VEPH1: variants seen among roughly 807,000 people sequenced by gnomAD.
The protein encoded by VEPH1 is ventricular zone-expressed PH domain-containing protein homolog 1.
VEPH1 carries 80 observed loss-of-function variants against 85.2 expected under a neutral mutation model. The ratio of observed to expected loss-of-function variants is 0.94; its 90% CI spans 0.78 to 1.13. The LOEUF (loss-of-function observed/expected upper bound fraction) is 1.13. Ranked by LOEUF, VEPH1 falls within the 50% of genes most tolerant of loss-of-function variation. The probability of loss-of-function intolerance (pLI) is 0.00; values close to 1 mark genes in which losing one functional copy is unlikely to be tolerated. For synonymous variants in VEPH1, 297 were observed against 348.0 expected, an observed-to-expected ratio of 0.85 and a Z score of 1.63; for missense variants, 955 against 980.5, an observed-to-expected ratio of 0.97 and a Z score of 0.35.
intron 6 of VEPH1, 125 bp from the exon 7 acceptor site, chr3:157,381,501 C>T (rs1560014143): frequency 1.8e-5 from 17 of 919,034 alleles, no homozygotes; most frequent in East Asian, 5.2e-5. Context: ...AACTCCTGAT[C>T]GAGAACAGGA....
intron 11 of VEPH1, among the ~76,000 whole-genome samples, chr3:157,311,417 C>G (rs1246374966): frequency 6.6e-6 from 1 of 152,152 alleles, no homozygotes; most frequent in Non-Finnish European, 1.5e-5. Flanking sequence ...ATAAAGCAGA[C>G]TTTGCACCAT....
intron 7 of VEPH1, 67 bp from the exon 8 acceptor site, chr3:157,364,579 T>G: frequency 7.0e-7 from 1 of 1,435,100 alleles, no homozygotes; most frequent in Non-Finnish European, 9.6e-7. Context: ...TGTTATTCTC[T>G]ATTTAACTGC....
At chr3:157,492,205 T>C (rs1472677574) in intron 2 of VEPH1, among the ~76,000 whole-genome samples, 1 of 152,130 alleles carries the variant, frequency 6.6e-6, no homozygotes, top group Admixed American at 6.6e-5. Context: ...GTGATTGTCA[T>C]GGAGGAGGAA....
Position 157,436,653 on chromosome 3 carries a change from C to G in VEPH1, c.530-8165G>C, listed in dbSNP as rs752931206. ...CTCCTCTTTCCCCTCTGACCCTCCT[C>G]CAATTAATCTGACTGCAGCGTAAAC... On this transcript the variant is annotated intron_variant, in intron 4 of 13. Coordinates refer to ENST00000362010, the MANE Select transcript of VEPH1 (RefSeq NM_001167912.2). The G allele has an allele frequency of 4.9e-5, 14 of 287,102 alleles. No homozygotes were observed. In the South Asian group the frequency reaches 7.1e-4, roughly 15 times the overall value. The allele number at this position is 287,102 out of a possible 1,614,324, so 17.8% of individuals were successfully genotyped here. A position where few individuals can be genotyped will look rare whatever the true frequency, so the allele number is the denominator to read the frequency against.
chr3:157,343,212 C>A (rs868099963), intron 9 of VEPH1, among the ~76,000 whole-genome samples: 82 of 152,204 alleles, frequency 5.4e-4, no homozygotes, highest in African/African-American at 1.7e-3. Context: ...ACACAAAAAA[C>A]CCTTCAAAAA....
At chr3:157,432,540 A>C (rs965251030) in intron 4 of VEPH1, among the ~76,000 whole-genome samples, 6 of 152,080 alleles carry the variant, frequency 3.9e-5, no homozygotes, top group African/African-American at 1.4e-4. Context: ...AATTTTTTCT[A>C]TTGAGTAGTC....
chr3:157,304,695 C>A (rs1202248482), intron 11 of VEPH1, among the ~76,000 whole-genome samples: 1 of 152,098 alleles, frequency 6.6e-6, no homozygotes, highest in African/African-American at 2.4e-5. Flanking sequence ...ATCTATTTTT[C>A]TTCAAGTAAA....
intron 2 of VEPH1, among the ~76,000 whole-genome samples, chr3:157,482,172 A>G (rs1310849556): frequency 6.6e-6 from 1 of 152,104 alleles, no homozygotes; most frequent in East Asian, 1.9e-4. Context: ...TTGGTTATAT[A>G]TGAATTTTAG....
intron 9 of VEPH1, among the ~76,000 whole-genome samples, chr3:157,343,643 T>C (rs953584079): frequency 6.6e-6 from 1 of 151,958 alleles, no homozygotes; most frequent in East Asian, 1.9e-4. Context: ...TTCCAATCAA[T>C]AGAAAAAGAG....
At chr3:157,438,800 A>T (rs1161254157) in intron 4 of VEPH1, among the ~76,000 whole-genome samples, 1 of 152,234 alleles carries the variant, frequency 6.6e-6, no homozygotes, top group East Asian at 1.9e-4. Flanking sequence ...GAGCCAATCA[A>T]TACTCCTTTG....
At chr3:157,286,232 C>A in intron 12 of VEPH1, 1 of 242,292 alleles carries the variant, frequency 4.1e-6, no homozygotes, top group Non-Finnish European at 8.2e-6. Context: ...CCTTAAAGAA[C>A]ACATCTTGAG....
chr3:157,437,114 C>G, intron 4 of VEPH1: 1 of 1,596,956 alleles, frequency 6.3e-7, no homozygotes, highest in Non-Finnish European at 8.6e-7. Context: ...ATATCCACCT[C>G]TTGGTCTAAA....
chr3:157,305,178 C>T (rs1489286626), intron 11 of VEPH1, among the ~76,000 whole-genome samples: 3 of 137,180 alleles, frequency 2.2e-5, no homozygotes, highest in African/African-American at 5.6e-5. Flanking sequence ...GGCGGGATCT[C>T]GGCTCACTGC....
rs1359949518 is a variant in VEPH1 at position 157,364,522 on chromosome 3, T to A, written c.1128-10A>T. On this transcript the variant is annotated splice_polypyrimidine_tract_variant and intron_variant, in intron 7 of 13. Coordinates refer to ENST00000362010, the MANE Select transcript of VEPH1 (RefSeq NM_001167912.2). ...AGTGCTGATTTTTCTCCTAAAGGAATATAAATCATTGCATTAGATGCAGGT... is the reference window on the plus strand; with the variant it reads ...AGTGCTGATTTTTCTCCTAAAGGAAAATAAATCATTGCATTAGATGCAGGT... The A allele has an allele frequency of 6.2e-7, 1 of 1,610,594 alleles. No individual in the cohort carries two copies. Among genetic ancestry groups the A allele is most frequent in the East Asian group, 2.2e-5 (1 of 44,798 alleles).
chr3:157,377,203 G>T (rs1319632854), intron 7 of VEPH1, among the ~76,000 whole-genome samples: 1 of 152,088 alleles, frequency 6.6e-6, no homozygotes, highest in Non-Finnish European at 1.5e-5. Flanking sequence ...ATTGAGAGAG[G>T]TTGAGGTGGG....
At chr3:157,412,587 G>T (rs937301904) in intron 6 of VEPH1, among the ~76,000 whole-genome samples, 2 of 152,154 alleles carry the variant, frequency 1.3e-5, no homozygotes, top group African/African-American at 2.4e-5. Flanking sequence ...CATACCAGTG[G>T]GTTCTCTTGG....
In VEPH1 at chr3:157,495,199, C is replaced by T; in HGVS notation, c.138+13G>A. 2.5e-6 allele frequency: 4 copies of T among 1,613,020 alleles called. No individual in the cohort carries two copies. Among genetic ancestry groups the T allele is most frequent in the African/African-American group, 1.3e-5 (1 of 75,002 alleles). On this transcript the variant is annotated intron_variant, in intron 2 of 13. Coordinates refer to ENST00000362010, the MANE Select transcript of VEPH1 (RefSeq NM_001167912.2). ...CCATTTCAGAGATGTAGTCTATAAACCAGTTTACTTACTGAAGATGAGCTA... is the reference window on the plus strand; with the variant it reads ...CCATTTCAGAGATGTAGTCTATAAATCAGTTTACTTACTGAAGATGAGCTA...
At chr3:157,293,800 T>TC (rs1186875437) in intron 11 of VEPH1, among the ~76,000 whole-genome samples, 2 of 152,228 alleles carry the variant, frequency 1.3e-5, no homozygotes, top group African/African-American at 4.8e-5. Context: ...ACCACAATTA[T>TC]CTTTTTTACA....
intron 11 of VEPH1, 103 bp downstream of exon 11, chr3:157,313,518 T>C: frequency 7.5e-7 from 1 of 1,330,408 alleles, no homozygotes; most frequent in Non-Finnish European, 1.0e-6. Flanking sequence ...AAAAGAAAGG[T>C]AAACGAAAGA....
Sources: allele counts gnomAD v4.1 joint callset (sites outside exome capture counted in the v4.1 genomes callset), GRCh38; gene constraint gnomAD v4.1.1; transcripts MANE v1.5; gene names NCBI Gene and HGNC (gene_info 2026-07-23, HGNC 2026-07-21).